Variants in CWF19L2 observed in about 807,000 individuals in gnomAD.
CWF19L2 encodes the protein CWF19 like cell cycle control factor 2, also known as CWF19-like protein 2.
Under a neutral mutation model 111.7 loss-of-function variants are expected in CWF19L2, and 98 were observed. The ratio of observed to expected loss-of-function variants is 0.88; its 90% confidence interval spans 0.75 to 1.04. CWF19L2 has a LOEUF of 1.04. Ranked by LOEUF, CWF19L2 falls within the 50% of genes least tolerant of loss-of-function variation. The pLI is 0.00. For missense variants in CWF19L2, 1,101 were observed against 1,051.4 expected (o/e 1.05, Z -0.65); for synonymous variants, 351 against 342.9 (o/e 1.02, Z -0.26).
intron 6 of CWF19L2, among the ~76,000 whole-genome samples, chr11:107,437,860 A>G (rs1244731371): frequency 6.6e-6 from 1 of 152,204 alleles, no homozygotes; most frequent in Non-Finnish European, 1.5e-5. Context: ...AAAAGCCTAG[A>G]TCATAAAAAC....
Position 107,392,803 on chromosome 11 carries a change from T to C in CWF19L2, c.1710A>G (p.Gln570=). Residue 570 remains glutamine (Q), a synonymous_variant, in exon 11 of 18, where the codon CAA becomes CAG. Coordinates refer to ENST00000282251, the MANE Select transcript of CWF19L2 (RefSeq NM_152434.3). The stretch of plus-strand genomic sequence containing the variant: ...CCATCTGTCTCTTTCTTCTTCCTCC[T>C]TGTGATTCCAGAGATTTTCCGGGTG... ...VNTPGKSLES[Q]GGRRKRQMVS... is the part of the protein sequence containing the mutation. 3.1e-6 allele frequency: 5 copies of C among 1,593,186 alleles called. No homozygotes were observed. Among genetic ancestry groups the C allele is most frequent in the Non-Finnish European group, 3.4e-6 (4 of 1,170,568 alleles).
chr11:107,340,881 T>C (rs751322467), intron 14 of CWF19L2, among the ~76,000 whole-genome samples: 1 of 152,220 alleles, frequency 6.6e-6, no homozygotes, highest in Non-Finnish European at 1.5e-5. Flanking sequence ...GTTTTTAGCA[T>C]ACAAAATATG....
chr11:107,390,474 C>A (rs1860831577), intron 11 of CWF19L2, among the ~76,000 whole-genome samples: 1 of 152,166 alleles, frequency 6.6e-6, no homozygotes, highest in South Asian at 2.1e-4. Context: ...GATGAAAGAG[C>A]AAAACTGCTC....
chr11:107,450,988 G>A (rs1861770145), intron 3 of CWF19L2, among the ~76,000 whole-genome samples: 1 of 152,058 alleles, frequency 6.6e-6, no homozygotes, highest in Non-Finnish European at 1.5e-5. Context: ...AATACTATTA[G>A]TCAACTTTCC....
intron 10 of CWF19L2, among the ~76,000 whole-genome samples, chr11:107,404,763 T>C (rs1477672998): frequency 6.6e-6 from 1 of 152,182 alleles, no homozygotes; most frequent in Non-Finnish European, 1.5e-5. Context: ...AATAAATGCT[T>C]GATAAATGAA....
chr11:107,391,740 G>A (rs191963727), intron 11 of CWF19L2, among the ~76,000 whole-genome samples: 11 of 152,176 alleles, frequency 7.2e-5, no homozygotes, highest in Admixed American at 2.6e-4. Context: ...TTTGGAACAG[G>A]GGTGCAACTA....
At chr11:107,365,691 A>T (rs1213049062) in intron 12 of CWF19L2, among the ~76,000 whole-genome samples, 4 of 90,832 alleles carry the variant, frequency 4.4e-5, no homozygotes, top group Admixed American at 1.1e-4. Flanking sequence ...AATAAGAGCT[A>T]TCTATGACAA....
In CWF19L2 at chr11:107,334,911, T is replaced by C. The variant is rs769023823; in HGVS notation, c.2409A>G (p.Ile803Met). 1.1e-5 allele frequency: 18 copies of C among 1,606,732 alleles called. No individual in the cohort carries two copies. The highest frequency in any genetic ancestry group is 1.4e-5 in the Non-Finnish European group (16 of 1,173,878). The change falls in exon 16 of 18, where the codon ATA becomes ATG. Residue 803 changes from isoleucine (I) to methionine (M), a missense_variant. By Grantham distance (10) the Ile-to-Met change is conservative. Transcript: ENST00000282251. ...DEEWSMNKKL[I>M]DLSSKDIRKS... ...TTCTGATATCTTTTGAAGAGAGATC[T>C]ATCAACTTCTTGTTCATGGACCACT...
chr11:107,403,643 T>C (rs1861038539), intron 10 of CWF19L2: 1 of 775,750 alleles, frequency 1.3e-6, no homozygotes. Context: ...GTCTTTCTTC[T>C]CCTCACCTTT....
chr11:107,355,214 G>T (rs1258543862), intron 12 of CWF19L2, among the ~76,000 whole-genome samples: 1 of 152,072 alleles, frequency 6.6e-6, no homozygotes, highest in Non-Finnish European at 1.5e-5. Flanking sequence ...CCAGGAGTTT[G>T]AGACCAGCCT....
At chr11:107,400,696 C>A (rs559486152) in intron 10 of CWF19L2, among the ~76,000 whole-genome samples, 3 of 152,190 alleles carry the variant, frequency 2.0e-5, no homozygotes, top group African/African-American at 4.8e-5. Flanking sequence ...AAAGAAGGAA[C>A]CCTCCCTAAT....
rs906431967 is a variant in CWF19L2 at position 107,326,730 on chromosome 11, G to T, written c.*180C>A. 2 of 467,932 alleles carry T rather than the reference G, an allele frequency of 4.3e-6. No individual in the cohort carries two copies. The highest frequency in any genetic ancestry group is 4.0e-5 in the African/African-American group (2 of 49,568). The allele number at this position is 467,932 out of a possible 1,614,324, so 29.0% of individuals were successfully genotyped here. A position where few individuals can be genotyped will look rare whatever the true frequency, so the allele number is the denominator to read the frequency against. On this transcript the variant is annotated 3_prime_UTR_variant, in exon 18 of 18. Transcript: ENST00000282251. ...CATGGTGACTAAAATGAAGTCCATA[G>T]ATAGGAGCAGGTGAAGAAGAAAACA...
intron 3 of CWF19L2, among the ~76,000 whole-genome samples, chr11:107,449,073 T>C (rs762050246): frequency 1.2e-4 from 17 of 145,800 alleles, no homozygotes; most frequent in Non-Finnish European, 2.2e-4. Flanking sequence ...AATATTACAA[T>C]GACTACAGAG....
At chr11:107,432,669 T>C (rs1477365657) in intron 7 of CWF19L2, among the ~76,000 whole-genome samples, 3 of 152,212 alleles carry the variant, frequency 2.0e-5, no homozygotes. Flanking sequence ...CACAACAGCA[T>C]GAACTATAAG....
intron 10 of CWF19L2, among the ~76,000 whole-genome samples, chr11:107,407,840 T>TA (rs1354833740): frequency 6.6e-6 from 1 of 151,866 alleles, no homozygotes; most frequent in African/African-American, 2.4e-5. Context: ...CATAACACAA[T>TA]AAAAAAAATT....
Position 107,367,790 on chromosome 11 carries a change from C to T in CWF19L2, c.1873-14054G>A, listed in dbSNP as rs1209441486. ...CATGTATACATATGTAACTAACGTG[C>T]ACAATGTGCACATGTACCCTAAAAC... On this transcript the variant is annotated intron_variant, in intron 12 of 17. Coordinates refer to ENST00000282251, the MANE Select transcript of CWF19L2 (RefSeq NM_152434.3). 1.5e-5 allele frequency among the ~76,000 whole-genome samples: 2 copies of T among 132,914 alleles called. 1 individual carries two copies. The highest frequency in any genetic ancestry group is 3.2e-5 in the Non-Finnish European group (2 of 62,914). The allele number at this position is 132,914 out of a possible 152,430, so 87.2% of individuals were successfully genotyped here. A position where few individuals can be genotyped will look rare whatever the true frequency, so the allele number is the denominator to read the frequency against.
At chr11:107,348,420 T>C (rs1860111653) in intron 14 of CWF19L2, among the ~76,000 whole-genome samples, 1 of 152,112 alleles carries the variant, frequency 6.6e-6, no homozygotes, top group Non-Finnish European at 1.5e-5. Context: ...AACAAATCCC[T>C]GAATCCAAAA....
At position 107,433,532 on chromosome 11, in the gene CWF19L2, A is replaced by G; in HGVS notation, c.780+102T>C. 7.6e-6 allele frequency: 3 copies of G among 395,124 alleles called. No individual in the cohort carries two copies. The Admixed American group carries it at 1.4e-4, about 18-fold the overall frequency. The allele number at this position is 395,124 out of a possible 1,614,324, so 24.5% of individuals were successfully genotyped here. A position where few individuals can be genotyped will look rare whatever the true frequency, so the allele number is the denominator to read the frequency against. ...ATTACTTCAGTAGTATAAAGACATG[A>G]AATATTAATTCAATTCTTCATGGCA... On this transcript the variant is annotated intron_variant, in intron 7 of 17. Coordinates refer to ENST00000282251, the MANE Select transcript of CWF19L2 (RefSeq NM_152434.3).
At chr11:107,335,925 A>C (rs1049350159) in intron 15 of CWF19L2, among the ~76,000 whole-genome samples, 1 of 152,168 alleles carries the variant, frequency 6.6e-6, no homozygotes, top group East Asian at 1.9e-4. Flanking sequence ...ATGATCACAT[A>C]AAAGGTTTAG....
Sources: gnomAD v4.1 joint callset for allele counts (sites outside exome capture counted in the v4.1 genomes callset) on GRCh38, gnomAD v4.1.1 for gene constraint, MANE v1.5 for transcripts, NCBI Gene and HGNC (gene_info 2026-07-23, HGNC 2026-07-21) for gene names.